Variants in ALDH1A2 observed in about 807,000 individuals in gnomAD.
ALDH1A2 encodes the protein retinal dehydrogenase 2.
ALDH1A2 carries 27 observed loss-of-function variants against 60.3 expected under a neutral mutation model. The ratio of observed to expected loss-of-function variants is 0.45; its 90% confidence interval spans 0.33 to 0.62. ALDH1A2 has a LOEUF of 0.62. Among genes scored for constraint, ALDH1A2 ranks in the 20% least tolerant of loss-of-function variants. ALDH1A2 has a pLI of 0.02. For missense variants in ALDH1A2, 581 were observed against 643.8 expected (o/e 0.90, Z 1.06); for synonymous variants, 289 against 232.4 (o/e 1.24, Z -2.21).
At chr15:57,982,911 A>C (rs1894564065) in intron 7 of ALDH1A2, among the ~76,000 whole-genome samples, 1 of 152,142 alleles carries the variant, frequency 6.6e-6, no homozygotes, top group Non-Finnish European at 1.5e-5. Context: ...GTGTTGGCTC[A>C]CCTACCAAGA....
intron 1 of ALDH1A2, among the ~76,000 whole-genome samples, chr15:58,047,663 A>G (rs2140564910): frequency 6.6e-6 from 1 of 152,166 alleles, no homozygotes; most frequent in South Asian, 2.1e-4. Flanking sequence ...CTTCTAATTA[A>G]GAGTCTACCT....
Position 58,014,197 on chromosome 15 carries a change from C to T in ALDH1A2, c.202G>A (p.Glu68Lys), listed in dbSNP as rs1476631656. 2.5e-6 allele frequency: 4 copies of T among 1,614,104 alleles called. No individual in the cohort carries two copies. The highest frequency in any genetic ancestry group is 3.4e-6 in the Non-Finnish European group (4 of 1,179,964). The change falls in exon 2 of 13, where the codon GAA (glutamate) becomes AAA (lysine). Residue 68 changes from glutamate to lysine, a missense_variant. By Grantham distance (56) the Glu-to-Lys change is moderately conservative (BLOSUM62 1). This residue lies in a region of ALDH1A2 where 206 missense variants were observed against 174.1 expected (regional missense o/e 1.18). Coordinates refer to ENST00000249750, the MANE Select transcript of ALDH1A2 (RefSeq NM_003888.4). The stretch of plus-strand genomic sequence containing the variant: ...CATACCTTGTCTGCTTCTTGAACTT[C>T]ACACACCTGTTCTCCTGTGGCTGGA... ...YNPATGEQVC[E>K]VQEADKADID...
chr15:58,047,114 G>A (rs886566124), intron 1 of ALDH1A2, among the ~76,000 whole-genome samples: 9 of 152,128 alleles, frequency 5.9e-5, no homozygotes, highest in South Asian at 2.1e-4. Context: ...TCTAATTGGG[G>A]AATCTAAAGC....
intron 1 of ALDH1A2, among the ~76,000 whole-genome samples, chr15:58,053,649 T>C (rs2140574308): frequency 6.6e-6 from 1 of 152,312 alleles, no homozygotes; most frequent in Middle Eastern, 3.4e-3. Flanking sequence ...TTTGTGTACT[T>C]CTTTTCTACG....
At chr15:57,963,307 A>G (rs141170462) in intron 9 of ALDH1A2, among the ~76,000 whole-genome samples, 113 of 151,668 alleles carry the variant, frequency 7.5e-4, no homozygotes, top group Non-Finnish European at 1.3e-3. Context: ...CTTTCTTTAG[A>G]ACTGAGAGAC....
Position 57,992,833 on chromosome 15 carries a change from C to CA in ALDH1A2, c.685-16dup, listed in dbSNP as rs2140491266. The CA allele has an allele frequency of 6.2e-7, 1 of 1,613,988 alleles. No homozygotes were observed. Among genetic ancestry groups the CA allele is most frequent in the Non-Finnish European group, 8.5e-7 (1 of 1,179,924 alleles). On this transcript the variant is annotated splice_polypyrimidine_tract_variant and intron_variant, in intron 6 of 12. Transcript: ENST00000249750. ...GGAAAGCCAGCCTAAGAAAACAGAACAGGAGGAAACGTGGCTGATGAAAGC... is the reference window on the plus strand; with the variant it reads ...GGAAAGCCAGCCTAAGAAAACAGAACAAGGAGGAAACGTGGCTGATGAAAGC...
intron 1 of ALDH1A2, among the ~76,000 whole-genome samples, chr15:58,023,483 A>G (rs1460872177): frequency 2.0e-5 from 3 of 152,202 alleles, no homozygotes; most frequent in Admixed American, 6.5e-5. Context: ...AAGGTTTTCT[A>G]CATAGCATAT....
At chr15:57,990,937 G>T (rs1894876986) in intron 7 of ALDH1A2, among the ~76,000 whole-genome samples, 1 of 150,912 alleles carries the variant, frequency 6.6e-6, no homozygotes, top group African/African-American at 2.4e-5. Flanking sequence ...CAGGACCATT[G>T]GTTGGTCAAC....
Position 58,014,015 on chromosome 15 carries a change from G to C in ALDH1A2, c.223-17C>G, listed in dbSNP as rs781718291. 6.2e-7 allele frequency: 1 copy of C among 1,613,950 alleles called. No individual in the cohort carries two copies. Among genetic ancestry groups the C allele is most frequent in the African/African-American group, 1.3e-5 (1 of 74,890 alleles). On this transcript the variant is annotated splice_polypyrimidine_tract_variant and intron_variant, in intron 2 of 12. Transcript: ENST00000249750. ...TATATCTGCCTGTTAGAGAGGAAGAGGCACAACTGAAGAAAAACACTCCAA... is the reference window on the plus strand; with the variant it reads ...TATATCTGCCTGTTAGAGAGGAAGACGCACAACTGAAGAAAAACACTCCAA...
chr15:58,037,837 CTT>C (rs1306175639), intron 1 of ALDH1A2, among the ~76,000 whole-genome samples: 1 of 151,642 alleles, frequency 6.6e-6, no homozygotes, highest in Non-Finnish European at 1.5e-5. Flanking sequence ...AACCAGCAGT[CTT>C]TGATCCACCT....
Position 57,980,615 on chromosome 15 carries a change from T to C in ALDH1A2, c.798+12090A>G, listed in dbSNP as rs376732297. ...CTTGACCTCGGCTGACAGCCCATAC[T>C]AGACGCCTTTGTTGAACTGCGTGGA... is the stretch of plus-strand genomic sequence containing the variant. On this transcript the variant is annotated intron_variant, in intron 7 of 12. Transcript: ENST00000249750. 3.2e-4 allele frequency: 74 copies of C among 233,924 alleles called. 4 individuals carry two copies. The South Asian group carries it at 5.6e-3, about 18-fold the overall frequency. 14.5% of individuals were successfully genotyped at this position (233,924 alleles called of 1,614,324 possible). A position where few individuals can be genotyped will look rare whatever the true frequency, so the allele number is the denominator to read the frequency against.
intron 1 of ALDH1A2, among the ~76,000 whole-genome samples, chr15:58,036,005 T>A (rs1322190050): frequency 3.3e-5 from 5 of 151,712 alleles, no homozygotes; most frequent in African/African-American, 9.7e-5. Flanking sequence ...TTCTTTTAAT[T>A]AATCAATACA....
At chr15:58,024,632 T>A (rs950533087) in intron 1 of ALDH1A2, among the ~76,000 whole-genome samples, 1 of 152,140 alleles carries the variant, frequency 6.6e-6, no homozygotes, top group African/African-American at 2.4e-5. Context: ...ACCCTCACTG[T>A]CAGCACTAGA....
At chr15:57,977,267 T>A (rs1894293774) in intron 7 of ALDH1A2, among the ~76,000 whole-genome samples, 1 of 152,284 alleles carries the variant, frequency 6.6e-6, no homozygotes, top group Admixed American at 6.5e-5. Context: ...TAGATCCCGT[T>A]TGTCAATTTT....
chr15:57,972,594 A>ATAGT (rs4646614), intron 7 of ALDH1A2, among the ~76,000 whole-genome samples: 64,386 of 151,606 alleles, frequency 0.42, 14,564 homozygotes, highest in South Asian at 0.71. Flanking sequence ...TTGACTTAGC[A>ATAGT]TAGTTAGAGA....
chr15:57,993,193 A>G, intron 5 of ALDH1A2, 120 bp from the exon 6 acceptor site: 2 of 1,193,048 alleles, frequency 1.7e-6, no homozygotes, highest in East Asian at 2.5e-5. Flanking sequence ...TCCACTACAA[A>G]GTACAGATGT....
chr15:58,061,891 T>C (rs934412427), intron 1 of ALDH1A2, among the ~76,000 whole-genome samples: 9 of 152,168 alleles, frequency 5.9e-5, no homozygotes, highest in African/African-American at 1.9e-4. Flanking sequence ...ACTGAACTAC[T>C]GCTGTACTAA....
chr15:57,982,830 CCTGA>C (rs1229039029), intron 7 of ALDH1A2, among the ~76,000 whole-genome samples: 13 of 152,104 alleles, frequency 8.5e-5, no homozygotes, highest in African/African-American at 2.7e-4. Flanking sequence ...TTTGGTACCC[CCTGA>C]CTATTAACTA....
At chr15:58,026,624 C>T (rs1219003431) in intron 1 of ALDH1A2, among the ~76,000 whole-genome samples, 1 of 152,168 alleles carries the variant, frequency 6.6e-6, no homozygotes, top group Non-Finnish European at 1.5e-5. Context: ...CCAAGGGAAG[C>T]CATGACAGAT....
Sources: allele counts gnomAD v4.1 joint callset (sites outside exome capture counted in the v4.1 genomes callset), GRCh38; gene constraint gnomAD v4.1.1; regional missense constraint gnomAD v4.1.1; transcripts MANE v1.5; gene names NCBI Gene and HGNC (gene_info 2026-07-23, HGNC 2026-07-21).